The following KANSL1L variants were observed in gnomAD, a reference collection of about 807,000 sequenced individuals.
The protein encoded by KANSL1L is KAT8 regulatory NSL complex subunit 1-like protein.
In KANSL1L, 25 loss-of-function variants were observed where a neutral mutation model predicts 108.6. The ratio of observed to expected loss-of-function variants is 0.23; its 90% CI spans 0.17 to 0.32. The LOEUF is 0.32. Among genes scored for constraint, KANSL1L ranks in the 10% least tolerant of loss-of-function variants. KANSL1L has a pLI of 1.00. For synonymous variants in KANSL1L, 405 were observed against 395.1 expected (o/e 1.03, Z -0.30); for missense variants, 1,137 against 1,125.7 (o/e 1.01, Z -0.14).
chr2:210,137,432 AGT>A (rs1370160536), intron 2 of KANSL1L, among the ~76,000 whole-genome samples: 1 of 152,230 alleles, frequency 6.6e-6, no homozygotes, highest in Non-Finnish European at 1.5e-5. Context: ...ACACACACAA[AGT>A]GTGTAAAAAT....
intron 1 of KANSL1L, among the ~76,000 whole-genome samples, chr2:210,162,769 C>T (rs981046210): frequency 6.6e-6 from 1 of 152,010 alleles, no homozygotes; most frequent in Non-Finnish European, 1.5e-5. Context: ...AATCAAGATA[C>T]CAACGTGTTT....
intron 8 of KANSL1L, among the ~76,000 whole-genome samples, chr2:210,035,895 C>T (rs759400255): frequency 3.3e-5 from 5 of 152,226 alleles, no homozygotes; most frequent in Non-Finnish European, 7.3e-5. Flanking sequence ...TCTGAATCAC[C>T]TGGGACCTTG....
chr2:210,142,183 A>T (rs2095235366), intron 2 of KANSL1L, among the ~76,000 whole-genome samples: 1 of 151,770 alleles, frequency 6.6e-6, no homozygotes, highest in South Asian at 2.1e-4. Flanking sequence ...TAATCTCTTT[A>T]CTTGCTATTG....
chr2:210,165,312 C>G (rs550409776), intron 1 of KANSL1L, among the ~76,000 whole-genome samples: 97 of 152,070 alleles, frequency 6.4e-4, no homozygotes, highest in Non-Finnish European at 1.2e-3. Context: ...AGTAAATAAT[C>G]CTCCAGTAAG....
intron 3 of KANSL1L, among the ~76,000 whole-genome samples, chr2:210,118,519 A>G (rs928192864): frequency 4.6e-5 from 7 of 151,744 alleles, no homozygotes; most frequent in African/African-American, 1.7e-4. Context: ...ATTTTAACAA[A>G]CCAAAAATGA....
chr2:210,086,485 T>C (rs922171771), intron 5 of KANSL1L, among the ~76,000 whole-genome samples: 4 of 109,786 alleles, frequency 3.6e-5, no homozygotes, highest in Non-Finnish European at 8.6e-5. Context: ...CCAAGATTAA[T>C]AAAGCTAAAA....
chr2:210,029,396 C>T (rs777677437), intron 10 of KANSL1L, among the ~76,000 whole-genome samples: 9 of 152,090 alleles, frequency 5.9e-5, no homozygotes, highest in East Asian at 3.9e-4. Flanking sequence ...TCCTGAGTTT[C>T]GGAATTCATT....
intron 6 of KANSL1L, chr2:210,063,686 T>C (rs2094441339): frequency 1.3e-5 from 2 of 152,212 alleles, no homozygotes; most frequent in Admixed American, 6.5e-5. Context: ...CCCCCTTTTT[T>C]TTTTGGCCAA....
At position 210,043,931 on chromosome 2, in the gene KANSL1L, A is replaced by G; in HGVS notation, c.1921+8T>C. 6.4e-7 allele frequency: 1 copy of G among 1,554,476 alleles called. No individual in the cohort carries two copies. Among genetic ancestry groups the G allele is most frequent in the South Asian group, 1.2e-5 (1 of 82,906 alleles). On this transcript the variant is annotated splice_region_variant and intron_variant, in intron 7 of 14. Transcript: ENST00000281772. The stretch of plus-strand genomic sequence containing the variant: ...TCGTTACTTAGAAATTGTTACAAGG[A>G]GGCTTACCTGATGGCAATGATAGAA...
At chr2:210,054,548 C>A (rs933727211) in intron 6 of KANSL1L, among the ~76,000 whole-genome samples, 2 of 152,034 alleles carry the variant, frequency 1.3e-5, no homozygotes, top group Non-Finnish European at 2.9e-5. Flanking sequence ...CCCAGCAATT[C>A]AACTTCTGGG....
At chr2:210,030,451 T>C (rs987826788) in intron 9 of KANSL1L, among the ~76,000 whole-genome samples, 3 of 151,708 alleles carry the variant, frequency 2.0e-5, no homozygotes, top group Admixed American at 1.3e-4. Flanking sequence ...CTCAGGATAT[T>C]GATTAGAAGT....
chr2:210,169,300 C>T (rs1688186689), intron 1 of KANSL1L, among the ~76,000 whole-genome samples: 2 of 152,054 alleles, frequency 1.3e-5, no homozygotes, highest in African/African-American at 2.4e-5. Flanking sequence ...ATCCCACATA[C>T]GTGCCAACAG....
chr2:210,098,256 G>GT lies in KANSL1L; in HGVS notation c.1429-50dup, dbSNP rs763291068. 3.8e-6 allele frequency: 6 copies of GT among 1,586,460 alleles called. No individual in the cohort carries two copies. In the African/African-American group the frequency reaches 8.2e-5, roughly 22 times the overall value. On this transcript the variant is annotated intron_variant, in intron 4 of 14. Transcript: ENST00000281772. ...TACTACTGCTAAGCAAGAAATGTGA[G>GT]TTAAAGCTCAGATGCATAGTGCCAA...
chr2:210,167,613 T>G (rs1418341480), intron 1 of KANSL1L, among the ~76,000 whole-genome samples: 1 of 152,004 alleles, frequency 6.6e-6, no homozygotes, highest in Non-Finnish European at 1.5e-5. Context: ...GACCTACTGC[T>G]GAATAAAAAT....
intron 6 of KANSL1L, among the ~76,000 whole-genome samples, chr2:210,056,630 A>G (rs2094354159): frequency 6.6e-6 from 1 of 152,024 alleles, no homozygotes; most frequent in Non-Finnish European, 1.5e-5. Flanking sequence ...ACAGGCATGC[A>G]CCACCATGTC....
chr2:210,058,068 G>A (rs185564100), intron 6 of KANSL1L, among the ~76,000 whole-genome samples: 122 of 152,288 alleles, frequency 8.0e-4, no homozygotes, highest in Non-Finnish European at 6.5e-4. Flanking sequence ...GAGCCAAGGC[G>A]GAACAGAGCC....
intron 6 of KANSL1L, among the ~76,000 whole-genome samples, chr2:210,058,673 A>C (rs1279693031): frequency 6.6e-6 from 1 of 152,026 alleles, no homozygotes; most frequent in East Asian, 1.9e-4. Context: ...CTCTACTAAA[A>C]ATATTTTTAA....
chr2:210,041,804 T>C (rs1016010222), intron 7 of KANSL1L, among the ~76,000 whole-genome samples: 3 of 152,186 alleles, frequency 2.0e-5, no homozygotes, highest in African/African-American at 7.2e-5. Context: ...TAGTGGCAGA[T>C]CCATACTCAG....
At chr2:210,167,500 C>T (rs1261345908) in intron 1 of KANSL1L, among the ~76,000 whole-genome samples, 1 of 151,916 alleles carries the variant, frequency 6.6e-6, no homozygotes, top group East Asian at 1.9e-4. Context: ...CTGTGTATAT[C>T]GATTTGGATC....
Sources: gnomAD v4.1 joint callset for allele counts (sites outside exome capture counted in the v4.1 genomes callset) on GRCh38, gnomAD v4.1.1 for gene constraint, MANE v1.5 for transcripts, NCBI Gene and HGNC (gene_info 2026-07-23, HGNC 2026-07-21) for gene names.